CNTN5: variants seen among roughly 807,000 people sequenced by gnomAD.
CNTN5 encodes the protein contactin-5.
Under a neutral mutation model 129.1 loss-of-function variants are expected in CNTN5, and 77 were observed. That is an observed-to-expected ratio of 0.60 (90% CI 0.50 to 0.72). The LOEUF (loss-of-function observed/expected upper bound fraction) is 0.72. CNTN5 is among the 30% of genes least tolerant of loss of function. The pLI is 0.00. For synonymous variants in CNTN5, 509 were observed against 465.6 expected (o/e 1.09, Z -1.20); for missense variants, 1,478 against 1,328.8 (o/e 1.11, Z -1.75).
intron 6 of CNTN5, among the ~76,000 whole-genome samples, chr11:99,877,473 A>T (rs1017257867): frequency 5.9e-5 from 9 of 152,184 alleles, no homozygotes; most frequent in Non-Finnish European, 1.3e-4. Flanking sequence ...CTTGGCTCCT[A>T]AGTGACAGAG....
chr11:99,049,535 A>G (rs1389139999), intron 1 of CNTN5: 1 of 152,190 alleles, frequency 6.6e-6, no homozygotes, highest in Non-Finnish European at 1.5e-5. Flanking sequence ...CTCCAGATAA[A>G]GAACAGAAAG....
chr11:100,162,600 G>A (rs1947493810), intron 13 of CNTN5, among the ~76,000 whole-genome samples: 1 of 151,586 alleles, frequency 6.6e-6, no homozygotes, highest in African/African-American at 2.4e-5. Context: ...TTCTCACCTT[G>A]TTAGATATAA....
At chr11:99,244,992 G>A (rs766810605) in intron 1 of CNTN5, among the ~76,000 whole-genome samples, 27 of 152,240 alleles carry the variant, frequency 1.8e-4, no homozygotes, top group African/African-American at 4.6e-4. Context: ...CCCGTGAAAC[G>A]TTCATTGAAG....
At position 100,261,480 on chromosome 11, in the gene CNTN5, G is replaced by A. The variant is rs193221443; in HGVS notation, c.2164+5562G>A. Among the ~76,000 whole-genome samples, 741 of 152,114 alleles carry A rather than the reference G, an allele frequency of 4.9e-3. 3 individuals are homozygous for A. Among genetic ancestry groups the A allele is most frequent in the African/African-American group, 0.017 (690 of 41,514 alleles). On this transcript the variant is annotated intron_variant, in intron 17 of 24. Coordinates refer to ENST00000524871, the MANE Select transcript of CNTN5 (RefSeq NM_014361.4). ...TTCATGTGGAACCAAAAAAGAGCCCGCATAGCCAAGACAATCCTAAGCAAA... is the reference window on the plus strand; with the variant it reads ...TTCATGTGGAACCAAAAAAGAGCCCACATAGCCAAGACAATCCTAAGCAAA...
At chr11:99,203,877 C>T (rs896844516) in intron 1 of CNTN5, among the ~76,000 whole-genome samples, 6 of 152,104 alleles carry the variant, frequency 3.9e-5, no homozygotes, top group Non-Finnish European at 5.9e-5. Context: ...GGATTACAGG[C>T]GTGAGCCACC....
Position 100,196,299 on chromosome 11 carries a change from C to T in CNTN5, c.1884+2636C>T, listed in dbSNP as rs1948637050. Among the ~76,000 whole-genome samples the T allele has an allele frequency of 2.0e-5, 3 of 149,558 alleles. No homozygotes were observed. In the South Asian group the frequency reaches 6.5e-4, roughly 33 times the overall value. Reference sequence around the variant, plus strand: ...ATGAGGTAACTTAAACTAACTAAACCTCTCAGGTGGGAAAAAGAGATAACA... The same window carrying T: ...ATGAGGTAACTTAAACTAACTAAACTTCTCAGGTGGGAAAAAGAGATAACA... On this transcript the variant is annotated intron_variant, in intron 15 of 24. Coordinates refer to ENST00000524871, the MANE Select transcript of CNTN5 (RefSeq NM_014361.4).
intron 2 of CNTN5, among the ~76,000 whole-genome samples, chr11:99,516,811 T>C (rs1040716110): frequency 6.6e-6 from 1 of 152,128 alleles, no homozygotes; most frequent in Non-Finnish European, 1.5e-5. Context: ...TAAGAACTTG[T>C]TTTTTCATTT....
At chr11:100,266,330 A>G (rs1030594736) in intron 17 of CNTN5, among the ~76,000 whole-genome samples, 3 of 152,096 alleles carry the variant, frequency 2.0e-5, no homozygotes, top group Admixed American at 2.0e-4. Context: ...CGTTGCTGTC[A>G]TGTTCTCTCT....
At chr11:99,958,155 G>A (rs1183651386) in intron 8 of CNTN5, among the ~76,000 whole-genome samples, 1 of 152,130 alleles carries the variant, frequency 6.6e-6, no homozygotes, top group Non-Finnish European at 1.5e-5. Context: ...GTAGAAAAAA[G>A]AATGCTGACT....
intron 15 of CNTN5, among the ~76,000 whole-genome samples, chr11:100,224,256 C>T (rs1436911813): frequency 1.3e-5 from 2 of 152,150 alleles, no homozygotes; most frequent in Non-Finnish European, 2.9e-5. Context: ...AAGAGCTATT[C>T]AATAAAGTCA....
At chr11:99,079,881 A>G (rs1254248193) in intron 1 of CNTN5, among the ~76,000 whole-genome samples, 1 of 152,134 alleles carries the variant, frequency 6.6e-6, no homozygotes, top group Non-Finnish European at 1.5e-5. Flanking sequence ...TTCTGCCACC[A>G]TTGCTTCTTG....
intron 1 of CNTN5, among the ~76,000 whole-genome samples, chr11:99,123,167 G>A (rs1858440798): frequency 6.6e-6 from 1 of 151,842 alleles, no homozygotes; most frequent in African/African-American, 2.4e-5. Context: ...CACCACCAGT[G>A]TATAATAAGT....
intron 3 of CNTN5, among the ~76,000 whole-genome samples, chr11:99,758,462 T>C (rs1172422931): frequency 3.3e-5 from 5 of 152,022 alleles, no homozygotes; most frequent in Admixed American, 6.6e-5. Context: ...TTAGCAAATA[T>C]TATTCCAGTC....
rs1947646810 is a variant in CNTN5, at chr11:99,845,193, C to G, written c.508C>G (p.His170Asp). 1 of 1,613,476 alleles carries G rather than the reference C, an allele frequency of 6.2e-7. No individual in the cohort carries two copies. The highest frequency in any genetic ancestry group is 1.3e-5 in the African/African-American group (1 of 74,824). Residue 170 changes from histidine (H) to aspartate (D), a missense_variant, in exon 6 of 25, where the codon CAT becomes GAT. By Grantham distance (81) the His-to-Asp change is moderately conservative. Transcript: ENST00000524871. ...TCCAAGTGAAGCAAAGGATTCTGGT[C>G]ATTATCAGTGTTTAGCAACCAACAC... ...SNPSEAKDSG[H>D]YQCLATNTVG...
chr11:99,236,686 G>A (rs1861289029), intron 1 of CNTN5, among the ~76,000 whole-genome samples: 1 of 152,148 alleles, frequency 6.6e-6, no homozygotes, highest in African/African-American at 2.4e-5. Flanking sequence ...AAGGCAGAAT[G>A]TTGTTCTGAT....
At chr11:99,260,456 A>G (rs1565445338) in intron 1 of CNTN5, among the ~76,000 whole-genome samples, 1 of 151,854 alleles carries the variant, frequency 6.6e-6, no homozygotes, top group Non-Finnish European at 1.5e-5. Context: ...GGGTAAAGTC[A>G]ATATTATGAT....
chr11:99,613,303 T>G (rs11220640), intron 3 of CNTN5, among the ~76,000 whole-genome samples: 9,670 of 152,232 alleles, frequency 0.064, 412 homozygotes, highest in Middle Eastern at 0.095. Context: ...CTGATGGTTT[T>G]ATAAGGGGCT....
intron 13 of CNTN5, among the ~76,000 whole-genome samples, chr11:100,135,512 C>T (rs1946496331): frequency 1.3e-5 from 2 of 152,040 alleles, no homozygotes; most frequent in South Asian, 2.1e-4. Flanking sequence ...TTAAATCCCT[C>T]AGATAAAACA....
At chr11:99,456,365 A>T (rs754986149) in intron 2 of CNTN5, among the ~76,000 whole-genome samples, 4 of 152,128 alleles carry the variant, frequency 2.6e-5, no homozygotes, top group Non-Finnish European at 5.9e-5. Flanking sequence ...TTGCTAATCC[A>T]TTACCTTTGG....
Sources: gnomAD v4.1 joint callset for allele counts (sites outside exome capture counted in the v4.1 genomes callset) on GRCh38, gnomAD v4.1.1 for gene constraint, MANE v1.5 for transcripts, NCBI Gene and HGNC (gene_info 2026-07-23, HGNC 2026-07-21) for gene names.